Variants in REL observed in about 807,000 individuals in gnomAD.
REL encodes proto-oncogene c-Rel.
A neutral mutation model predicts 45.9 loss-of-function variants in REL; 15 were observed. The observed-to-expected ratio is 0.33, with a 90% confidence interval of 0.22 to 0.50. REL has a LOEUF of 0.50. Ranked by LOEUF, REL falls within the 20% of genes least tolerant of loss-of-function variation. REL has a pLI of 0.98. For synonymous variants in REL, 239 were observed against 242.1 expected (o/e 0.99, Z 0.12); for missense variants, 601 against 715.2 (o/e 0.84, Z 1.82).
intron 4 of REL, among the ~76,000 whole-genome samples, chr2:60,913,021 T>C (rs1251944902): frequency 3.9e-5 from 6 of 152,164 alleles, no homozygotes; most frequent in Admixed American, 3.9e-4. Context: ...TTTTAATCCT[T>C]GAGGTATAAA....
intron 3 of REL, among the ~76,000 whole-genome samples, chr2:60,897,559 C>G (rs1381859300): frequency 6.6e-6 from 1 of 152,050 alleles, no homozygotes; most frequent in African/African-American, 2.4e-5. Flanking sequence ...CCTCCTGCCT[C>G]AGCCTCCCGA....
At chr2:60,917,492 G>A (rs1674006450) in intron 5 of REL, among the ~76,000 whole-genome samples, 1 of 145,448 alleles carries the variant, frequency 6.9e-6, no homozygotes, top group Admixed American at 6.9e-5. Context: ...CTAGCAAACT[G>A]TACTGCAATA....
intron 7 of REL, among the ~76,000 whole-genome samples, chr2:60,919,233 G>A (rs556114009): frequency 6.6e-6 from 1 of 151,970 alleles, no homozygotes; most frequent in South Asian, 2.1e-4. Flanking sequence ...ATTTTAAACA[G>A]CTTGTTTTGG....
At chr2:60,898,886 A>T (rs1673425007) in intron 3 of REL, 1 of 152,238 alleles carries the variant, frequency 6.6e-6, no homozygotes, top group African/African-American at 2.4e-5. Context: ...TTTGGTATAT[A>T]GTACGAACCC....
chr2:60,892,401 C>T (rs1285628210), intron 2 of REL, among the ~76,000 whole-genome samples: 1 of 152,108 alleles, frequency 6.6e-6, no homozygotes, highest in African/African-American at 2.4e-5. Context: ...GGTAAACATA[C>T]TAATAGTTAT....
chr2:60,920,972 A>G (rs1295907888), intron 9 of REL, among the ~76,000 whole-genome samples: 4 of 151,962 alleles, frequency 2.6e-5, no homozygotes, highest in African/African-American at 9.7e-5. Context: ...GGCCATGAAT[A>G]TTTGATTAAA....
At chr2:60,915,809 ATATTC>A (rs1348715399) in intron 4 of REL, among the ~76,000 whole-genome samples, 1 of 152,160 alleles carries the variant, frequency 6.6e-6, no homozygotes, top group Admixed American at 6.5e-5. Context: ...CTATTATACT[ATATTC>A]TATCATGAGC....
At chr2:60,896,494 C>T (rs1673354412) in intron 3 of REL, among the ~76,000 whole-genome samples, 1 of 151,676 alleles carries the variant, frequency 6.6e-6, no homozygotes, top group African/African-American at 2.4e-5. Flanking sequence ...TTGTAATGAA[C>T]ATGTATTGGC....
intron 1 of REL, among the ~76,000 whole-genome samples, chr2:60,890,206 T>G (rs532129538): frequency 7.0e-4 from 107 of 152,364 alleles, no homozygotes; most frequent in African/African-American, 2.6e-3. Flanking sequence ...CCAGTGATGA[T>G]GAGCATTTTT....
intron 4 of REL, among the ~76,000 whole-genome samples, chr2:60,914,402 C>CA (rs1391248859): frequency 1.3e-5 from 2 of 152,274 alleles, no homozygotes; most frequent in African/African-American, 4.8e-5. Context: ...ATCTCATAAA[C>CA]AGTGATTTTT....
rs563335129 is a variant in REL, at chr2:60,922,437, A to G, written c.1666A>G (p.Ser556Gly). 2.3e-5 allele frequency: 37 copies of G among 1,614,058 alleles called. No homozygotes were observed. The South Asian group carries it at 4.1e-4, about 18-fold the overall frequency. The change falls in exon 10 of 10, where the codon AGT becomes GGT. Residue 556 changes from serine (S) to glycine (G), a missense_variant. Ser to Gly is a moderately conservative substitution (Grantham distance 56). Transcript: ENST00000394479. The part of the protein sequence containing the change: ...SGPSNSTNPN[S>G]HGFVQDSQYS... The stretch of plus-strand genomic sequence containing the variant: ...ACCATCAAACAGTACTAATCCAAAC[A>G]GTCATGGTTTTGTTCAAGATAGTCA...
intron 3 of REL, chr2:60,900,000 A>T (rs1346659781): frequency 6.6e-6 from 1 of 152,238 alleles, no homozygotes; most frequent in Non-Finnish European, 1.5e-5. Flanking sequence ...CAGGGCTCAA[A>T]AAGCAAATCT....
In REL at chr2:60,926,776, AATC is replaced by A. The variant is rs1188890506; in HGVS notation, c.*4246_*4248del. On this transcript the variant is annotated 3_prime_UTR_variant, in exon 10 of 10. Transcript: ENST00000394479. ...CTTTTTCTCCATCACACTCATACTTAATCATCAAGTCCTTTTGAGCTTGTCTCC... is the reference window on the plus strand; with the variant it reads ...CTTTTTCTCCATCACACTCATACTTAATCAAGTCCTTTTGAGCTTGTCTCC... 4.4e-6 allele frequency: 1 copy of A among 228,300 alleles called. No homozygotes were observed. Among genetic ancestry groups the A allele is most frequent in the East Asian group, 6.2e-5 (1 of 16,114 alleles). The allele number at this position is 228,300 out of a possible 1,614,324, so 14.1% of individuals were successfully genotyped here. A position where few individuals can be genotyped will look rare whatever the true frequency, so the allele number is the denominator to read the frequency against.
At chr2:60,921,707 T>C in intron 9 of REL, 56 bp from the exon 10 acceptor site, 1 of 1,453,778 alleles carries the variant, frequency 6.9e-7, no homozygotes, top group East Asian at 2.3e-5. Flanking sequence ...AATTTAGAAA[T>C]GCTTTTTATA....
chr2:60,915,863 A>C (rs964686954), intron 4 of REL, among the ~76,000 whole-genome samples: 1 of 152,202 alleles, frequency 6.6e-6, no homozygotes, highest in African/African-American at 2.4e-5. Flanking sequence ...TTTAATTAAA[A>C]CATTTTTTAA....
rs867338602 is a variant in REL, at chr2:60,897,463, A to G, written c.302+2918A>G. 2.2e-4 allele frequency among the ~76,000 whole-genome samples: 34 copies of G among 151,824 alleles called. No individual in the cohort carries two copies. The Middle Eastern group carries it at 0.017, about 76-fold the overall frequency. On this transcript the variant is annotated intron_variant, in intron 3 of 9. Transcript: ENST00000394479. ...GCTGGAATTACAGGCGTGCACTACC[A>G]CACCCAGGTAATTTTTGTATTTTTA...
In REL at chr2:60,925,224, T is replaced by C. The variant is rs1476037786; in HGVS notation, c.*2689T>C. 1 of 196,848 alleles carries C rather than the reference T, an allele frequency of 5.1e-6. No homozygotes were observed. The highest frequency in any genetic ancestry group is 1.1e-5 in the Non-Finnish European group (1 of 94,798). The allele number at this position is 196,848 out of a possible 1,614,324, so 12.2% of individuals were successfully genotyped here. A position where few individuals can be genotyped will look rare whatever the true frequency, so the allele number is the denominator to read the frequency against. On this transcript the variant is annotated 3_prime_UTR_variant, in exon 10 of 10. Coordinates refer to ENST00000394479, the MANE Select transcript of REL (RefSeq NM_001291746.2). Reference sequence around the variant, plus strand: ...CCTAGCAAGAAACAGTCTGTCATTTTACTTACACGATGTCTAACCAAACCA... The same window carrying C: ...CCTAGCAAGAAACAGTCTGTCATTTCACTTACACGATGTCTAACCAAACCA...
chr2:60,909,210 A>G (rs1293377972), intron 4 of REL, among the ~76,000 whole-genome samples: 2 of 152,150 alleles, frequency 1.3e-5, no homozygotes, highest in East Asian at 1.9e-4. Flanking sequence ...TCAAATTTGT[A>G]TCTAACACTT....
chr2:60,883,060 G>A (rs1352453553), intron 1 of REL, among the ~76,000 whole-genome samples: 2 of 152,104 alleles, frequency 1.3e-5, no homozygotes, highest in African/African-American at 2.4e-5. Flanking sequence ...CCAGGATTTT[G>A]GCAAGGTGAG....
Sources: allele counts gnomAD v4.1 joint callset (sites outside exome capture counted in the v4.1 genomes callset), GRCh38; gene constraint gnomAD v4.1.1; transcripts MANE v1.5; gene names NCBI Gene and HGNC (gene_info 2026-07-23, HGNC 2026-07-21).